PTPRD: variants seen among roughly 807,000 people sequenced by gnomAD.
PTPRD encodes protein tyrosine phosphatase receptor type D, also known as receptor-type tyrosine-protein phosphatase delta.
Under a neutral mutation model 214.5 loss-of-function variants are expected in PTPRD, and 34 were observed. That is an observed-to-expected ratio of 0.16 (90% CI 0.12 to 0.21). The LOEUF (loss-of-function observed/expected upper bound fraction) is 0.21, where lower values mean the gene tolerates loss of function less well. Ranked by LOEUF, PTPRD falls within the 10% of genes least tolerant of loss-of-function variation. The pLI, the probability that PTPRD is intolerant of heterozygous loss-of-function variation, is 1.00. For missense variants in PTPRD, 2,545 were observed against 2,398.7 expected (o/e 1.06, Z -1.27); for synonymous variants, 1,128 against 845.7 (o/e 1.33, Z -5.79).
intron 10 of PTPRD, among the ~76,000 whole-genome samples, chr9:9,125,737 G>C (rs572292875): frequency 2.0e-4 from 31 of 152,206 alleles, no homozygotes; most frequent in African/African-American, 5.8e-4. Context: ...ATTATGTGTG[G>C]CAGAAATAAA....
intron 3 of PTPRD, among the ~76,000 whole-genome samples, chr9:10,106,816 T>C (rs115558865): frequency 0.018 from 2,697 of 152,084 alleles, 76 homozygotes; most frequent in African/African-American, 0.062. Flanking sequence ...AGCTTAAATA[T>C]GTAAAATGTC....
At chr9:9,815,906 G>A (rs1489369973) in intron 5 of PTPRD, among the ~76,000 whole-genome samples, 1 of 152,112 alleles carries the variant, frequency 6.6e-6, no homozygotes, top group African/African-American at 2.4e-5. Context: ...AAGATACTAA[G>A]TGTTCTCACC....
In PTPRD at chr9:9,650,131, G is replaced by A. The variant is rs146872743; in HGVS notation, c.-286-75350C>T. 2.0e-5 allele frequency among the ~76,000 whole-genome samples: 3 copies of A among 152,236 alleles called. No homozygotes were observed. In the East Asian group the frequency reaches 5.8e-4, roughly 29 times the overall value. ...TCCCCCATGCTGTTCTCACAACAAT[G>A]AGATCTGAAGGTTTAAAAGGGTTTA... On this transcript the variant is annotated intron_variant, in intron 7 of 45. Transcript: ENST00000381196.
chr9:8,642,967 G>T (rs990950238), intron 12 of PTPRD, among the ~76,000 whole-genome samples: 1 of 152,106 alleles, frequency 6.6e-6, no homozygotes, highest in African/African-American at 2.4e-5. Context: ...TACCACCTGG[G>T]GTAGCTTCCA....
intron 2 of PTPRD, among the ~76,000 whole-genome samples, chr9:10,423,758 C>T (rs934395500): frequency 3.3e-5 from 5 of 151,826 alleles, no homozygotes; most frequent in African/African-American, 7.3e-5. Flanking sequence ...TTACTCATAC[C>T]GGAAAAATCA....
chr9:9,823,859 G>T (rs540483594), intron 5 of PTPRD, among the ~76,000 whole-genome samples: 4 of 151,966 alleles, frequency 2.6e-5, no homozygotes, highest in African/African-American at 9.6e-5. Flanking sequence ...ATAATTAGAG[G>T]AGCAAATCTG....
intron 7 of PTPRD, among the ~76,000 whole-genome samples, chr9:9,716,444 G>C (rs909159754): frequency 6.6e-6 from 1 of 151,874 alleles, no homozygotes; most frequent in African/African-American, 2.4e-5. Flanking sequence ...CTTCCACAAG[G>C]GTTGAACTAG....
At chr9:9,749,759 G>A (rs951252890) in intron 6 of PTPRD, among the ~76,000 whole-genome samples, 1 of 152,128 alleles carries the variant, frequency 6.6e-6, no homozygotes, top group African/African-American at 2.4e-5. Context: ...ACCTCATAAG[G>A]CAAAAGTTAG....
intron 3 of PTPRD, among the ~76,000 whole-genome samples, chr9:10,045,551 G>T (rs2097372850): frequency 6.6e-6 from 1 of 151,398 alleles, no homozygotes; most frequent in South Asian, 2.1e-4. Context: ...CTGCCTTTAG[G>T]TGTATATGTT....
intron 4 of PTPRD, among the ~76,000 whole-genome samples, chr9:10,023,216 A>T (rs770809505): frequency 6.6e-6 from 1 of 152,222 alleles, no homozygotes; most frequent in Non-Finnish European, 1.5e-5. Flanking sequence ...TAATCAAATT[A>T]GAATTAATCA....
chr9:10,016,750 G>A (rs1047952504), intron 4 of PTPRD, among the ~76,000 whole-genome samples: 9 of 150,568 alleles, frequency 6.0e-5, no homozygotes, highest in Non-Finnish European at 8.9e-5. Context: ...CTGCATCCTC[G>A]ATCTCTTGGG....
chr9:9,845,814 G>A (rs1476431099), intron 5 of PTPRD, among the ~76,000 whole-genome samples: 1 of 152,044 alleles, frequency 6.6e-6, no homozygotes, highest in African/African-American at 2.4e-5. Flanking sequence ...ATGCAAACCT[G>A]GCAATAGCTA....
chr9:8,417,563 G>T (rs1430228033), intron 35 of PTPRD, among the ~76,000 whole-genome samples: 1 of 152,126 alleles, frequency 6.6e-6, no homozygotes, highest in East Asian at 1.9e-4. Context: ...CTGAAAGCTT[G>T]TCTTCAATAA....
chr9:10,586,074 CA>C lies in PTPRD; in HGVS notation c.-600+26323del, dbSNP rs1255517319. ...AGCTAGATAGGTAAGATGTTCTTTT[CA>C]AAACACAGTGCAGTAAAGAAATTTA... On this transcript the variant is annotated intron_variant, in intron 2 of 45. Coordinates refer to ENST00000381196, the MANE Select transcript of PTPRD (RefSeq NM_002839.4). Among the ~76,000 whole-genome samples the C allele has an allele frequency of 2.0e-5, 3 of 151,982 alleles. No homozygotes were observed. The East Asian group carries it at 5.8e-4, about 29-fold the overall frequency.
intron 9 of PTPRD, among the ~76,000 whole-genome samples, chr9:9,331,690 CAGAAT>C (rs2042367939): frequency 6.6e-6 from 1 of 152,046 alleles, no homozygotes; most frequent in Non-Finnish European, 1.5e-5. Flanking sequence ...GTAACATTTA[CAGAAT>C]AGAAGTCTCT....
chr9:9,926,138 T>C (rs188198954), intron 5 of PTPRD, among the ~76,000 whole-genome samples: 5 of 152,262 alleles, frequency 3.3e-5, no homozygotes. Context: ...CCAACTTCTC[T>C]TATACGTTCC....
intron 39 of PTPRD, among the ~76,000 whole-genome samples, chr9:8,358,561 TA>T (rs2077541086): frequency 6.6e-6 from 1 of 152,302 alleles, no homozygotes; most frequent in African/African-American, 2.4e-5. Flanking sequence ...CTGTAAAATG[TA>T]AACCTATTTC....
chr9:9,428,713 A>G (rs2081971902), intron 8 of PTPRD, among the ~76,000 whole-genome samples: 1 of 152,246 alleles, frequency 6.6e-6, no homozygotes, highest in Non-Finnish European at 1.5e-5. Flanking sequence ...CTCTCAGACC[A>G]CAGTGCAATC....
intron 4 of PTPRD, among the ~76,000 whole-genome samples, chr9:10,019,567 C>T (rs1310068461): frequency 6.6e-6 from 1 of 152,100 alleles, no homozygotes; most frequent in African/African-American, 2.4e-5. Flanking sequence ...GAAAATGTGG[C>T]ACATATACAC....
Sources: gnomAD v4.1 joint callset for allele counts (sites outside exome capture counted in the v4.1 genomes callset) on GRCh38, gnomAD v4.1.1 for gene constraint, MANE v1.5 for transcripts, NCBI Gene and HGNC (gene_info 2026-07-23, HGNC 2026-07-21) for gene names.